The following RBFOX2 variants were observed in gnomAD, a reference collection of about 807,000 sequenced individuals.
RBFOX2 encodes RNA binding protein fox-1 homolog 2.
Under a neutral mutation model 49.1 loss-of-function variants are expected in RBFOX2, and 10 were observed. That is an observed-to-expected ratio of 0.20 (90% confidence interval 0.13 to 0.35). The LOEUF (loss-of-function observed/expected upper bound fraction) is 0.35. Ranked by LOEUF, RBFOX2 falls within the 10% of genes least tolerant of loss-of-function variation. The pLI, the probability that RBFOX2 is intolerant of heterozygous loss-of-function variation, is 1.00. For synonymous variants in RBFOX2, 183 were observed against 187.4 expected (o/e 0.98, Z 0.19); for missense variants, 323 against 486.9 (o/e 0.66, Z 3.17).
chr22:35,904,173 GCTTAAATATCA>G lies in RBFOX2; in HGVS notation c.-34+34663_-34+34673del, dbSNP rs1366074340. On this transcript the variant is annotated intron_variant, in intron 1 of 13. Transcript: ENST00000359369. ...GCTCCTTCTTATCTTTTAGAACTCA[GCTTAAATATCA>G]CTTCCTCAAATAAAACTCTCCAGAC... is the stretch of plus-strand genomic sequence containing the variant. Among the ~76,000 whole-genome samples the G allele has an allele frequency of 2.0e-5, 3 of 151,486 alleles. No individual in the cohort carries two copies. The East Asian group carries it at 5.8e-4, about 29-fold the overall frequency.
chr22:36,014,715 C>G (rs1022071384), intron 1 of RBFOX2, among the ~76,000 whole-genome samples: 1 of 152,016 alleles, frequency 6.6e-6, no homozygotes, highest in African/African-American at 2.4e-5. Context: ...TATTTCACAC[C>G]ACTCCTAGAG....
chr22:35,795,208 T>C (rs1000447032), intron 2 of RBFOX2, among the ~76,000 whole-genome samples: 3 of 152,100 alleles, frequency 2.0e-5, no homozygotes, highest in African/African-American at 4.8e-5. Context: ...GATATATATA[T>C]TTTATGTAGG....
At chr22:35,784,153 G>C (rs1945845843) in intron 2 of RBFOX2, among the ~76,000 whole-genome samples, 1 of 152,154 alleles carries the variant, frequency 6.6e-6, no homozygotes, top group Non-Finnish European at 1.5e-5. Context: ...ATAAAATCCA[G>C]GCCAATCAGC....
intron 1 of RBFOX2, among the ~76,000 whole-genome samples, chr22:36,008,282 A>T (rs1445088610): frequency 6.6e-6 from 1 of 152,142 alleles, no homozygotes; most frequent in Non-Finnish European, 1.5e-5. Context: ...AACTAACCCC[A>T]GCATCTAGCA....
At chr22:35,933,265 G>A (rs1220612161) in intron 1 of RBFOX2, among the ~76,000 whole-genome samples, 1 of 152,178 alleles carries the variant, frequency 6.6e-6, no homozygotes, top group African/African-American at 2.4e-5. Flanking sequence ...AAGCCACCTA[G>A]CTGAACTATT....
upstream of RBFOX2, among the ~76,000 whole-genome samples, chr22:35,841,311 A>C (rs555690724): frequency 6.6e-6 from 1 of 152,276 alleles, no homozygotes; most frequent in Admixed American, 6.5e-5. Context: ...ATTGTTATAG[A>C]ATGCTGTAGC....
intron 2 of RBFOX2, among the ~76,000 whole-genome samples, chr22:35,806,898 C>A (rs1487026815): frequency 2.6e-5 from 4 of 152,094 alleles, no homozygotes; most frequent in African/African-American, 9.7e-5. Flanking sequence ...TCCGCCTCCC[C>A]AGTTCAAGCG....
upstream of RBFOX2, among the ~76,000 whole-genome samples, chr22:35,940,648 C>A (rs1413328710): frequency 6.6e-6 from 1 of 152,034 alleles, no homozygotes; most frequent in East Asian, 1.9e-4. Flanking sequence ...ATGTTCATAG[C>A]AGCATTATTT....
At chr22:35,778,836 C>T (rs1193932247) in intron 3 of RBFOX2, among the ~76,000 whole-genome samples, 1 of 152,082 alleles carries the variant, frequency 6.6e-6, no homozygotes, top group African/African-American at 2.4e-5. Context: ...GGGGTTTCAC[C>T]GTGTTGGCCA....
intron 9 of RBFOX2, among the ~76,000 whole-genome samples, chr22:35,757,202 C>T (rs1317106906): frequency 6.8e-6 from 1 of 146,354 alleles, no homozygotes; most frequent in South Asian, 2.2e-4. Flanking sequence ...GAATTTGTAG[C>T]AAACAGACAA....
chr22:35,927,405 G>A (rs1312782549), intron 1 of RBFOX2, among the ~76,000 whole-genome samples: 1 of 152,082 alleles, frequency 6.6e-6, no homozygotes, highest in Non-Finnish European at 1.5e-5. Flanking sequence ...GGGAGTTCGA[G>A]ACCAGCCTGA....
chr22:35,950,729 AG>A (rs2054818557), intron 1 of RBFOX2, among the ~76,000 whole-genome samples: 1 of 152,126 alleles, frequency 6.6e-6, no homozygotes, highest in Non-Finnish European at 1.5e-5. Flanking sequence ...TCTCTCGGCC[AG>A]GAAGTGTTTG....
At chr22:35,763,178 A>G (rs1939599126) in intron 6 of RBFOX2, among the ~76,000 whole-genome samples, 1 of 152,230 alleles carries the variant, frequency 6.6e-6, no homozygotes. Context: ...TTTCTTGCCT[A>G]CTAAACCTGA....
At chr22:35,899,122 A>AATAACATAACATAAC (rs59505989) in intron 1 of RBFOX2, among the ~76,000 whole-genome samples, 13,657 of 139,186 alleles carry the variant, frequency 0.098, 770 homozygotes, top group Admixed American at 0.13. Flanking sequence ...CTGTCTCAAA[A>AATAACATAACATAAC]ATAACATAAC....
intron 1 of RBFOX2, among the ~76,000 whole-genome samples, chr22:35,953,261 A>C (rs2055159627): frequency 6.6e-6 from 1 of 151,714 alleles, no homozygotes; most frequent in Non-Finnish European, 1.5e-5. Flanking sequence ...CCAAACGTCC[A>C]TTAAGGGATA....
intron 1 of RBFOX2, among the ~76,000 whole-genome samples, chr22:35,972,758 A>G (rs1156334554): frequency 2.0e-5 from 3 of 152,172 alleles, no homozygotes; most frequent in Non-Finnish European, 2.9e-5. Flanking sequence ...GGGTGGAGAG[A>G]ATGGACAGAG....
rs764510203 is a variant in RBFOX2 at position 35,768,287 on chromosome 22, G to A, written c.516C>T (p.His172=). ...TTTTACGGCCCTCTACCACGGTGCC[G>A]TGTAATTTCTCCCTGGCCCTGTCTG... is the stretch of plus-strand genomic sequence containing the variant. Residue 172 remains histidine, a synonymous_variant, in exon 5 of 12, where the codon CAC becomes CAT. Coordinates refer to ENST00000405409, the Ensembl canonical transcript of RBFOX2. The A allele has an allele frequency of 2.0e-5, 32 of 1,613,972 alleles. No individual in the cohort carries two copies. In the East Asian group the frequency reaches 2.7e-4, roughly 13 times the overall value.
chr22:35,797,666 G>A (rs1315304596), intron 2 of RBFOX2, among the ~76,000 whole-genome samples: 1 of 152,174 alleles, frequency 6.6e-6, no homozygotes, highest in East Asian at 1.9e-4. Context: ...CATTGCTTCT[G>A]TACTGACCGT....
intron 1 of RBFOX2, among the ~76,000 whole-genome samples, chr22:36,020,198 C>G (rs1019505804): frequency 1.3e-5 from 2 of 152,122 alleles, no homozygotes; most frequent in African/African-American, 4.8e-5. Context: ...TAGCCATATG[C>G]AGAAAGCTGA....
Sources: gnomAD v4.1 joint callset for allele counts (sites outside exome capture counted in the v4.1 genomes callset) on GRCh38, gnomAD v4.1.1 for gene constraint, MANE v1.5 for transcripts, NCBI Gene and HGNC (gene_info 2026-07-23, HGNC 2026-07-21) for gene names.